PCDH11X: variants seen among roughly 807,000 people sequenced by gnomAD.
PCDH11X encodes protocadherin 11 X-linked.
In PCDH11X, 18 loss-of-function variants were observed where a neutral mutation model predicts 53.3. The observed-to-expected ratio is 0.34, with a 90% CI of 0.23 to 0.50. The LOEUF (loss-of-function observed/expected upper bound fraction) is 0.50. Among genes scored for constraint, PCDH11X ranks in the 20% least tolerant of loss-of-function variants. PCDH11X has a pLI of 0.98. For synonymous variants in PCDH11X, 279 were observed against 393.3 expected (o/e 0.71, Z 3.44); for missense variants, 570 against 1,032.4 (o/e 0.55, Z 6.14).
At chrX:92,294,808 G>T (rs2068574345) in intron 8 of PCDH11X, among the ~76,000 whole-genome samples, 1 of 104,109 alleles carries the variant, frequency 9.6e-6, no homozygotes, top group African/African-American at 3.5e-5. Flanking sequence ...AAAATAAATA[G>T]TAATTATTGG....
intron 9 of PCDH11X, among the ~76,000 whole-genome samples, chrX:92,452,857 T>G (rs1252848752): frequency 1.2e-5 from 1 of 83,265 alleles, no homozygotes; most frequent in Admixed American, 1.2e-4. Flanking sequence ...ATTTGGGTCT[T>G]TCTTCTTTTA....
intron 6 of PCDH11X, among the ~76,000 whole-genome samples, chrX:91,889,701 T>C (rs1940387773): frequency 9.0e-6 from 1 of 110,555 alleles, no homozygotes; most frequent in African/African-American, 3.3e-5. Flanking sequence ...GTTTACATGA[T>C]ACCAAAACAT....
chrX:91,930,518 TATATATACACATACATATAC>T (rs1267005411), intron 6 of PCDH11X, among the ~76,000 whole-genome samples: 2 of 105,296 alleles, frequency 1.9e-5, no homozygotes, highest in African/African-American at 3.4e-5. Context: ...TATACACGTA[TATATATACACATACATATAC>T]ATATATACAC....
At chrX:92,482,643 C>T (rs1489673762) in intron 10 of PCDH11X, among the ~76,000 whole-genome samples, 1 of 111,016 alleles carries the variant, frequency 9.0e-6, no homozygotes, top group African/African-American at 3.3e-5. Context: ...AGATGATAAG[C>T]CAGGTACCAA....
intron 6 of PCDH11X, among the ~76,000 whole-genome samples, chrX:92,085,150 C>A (rs2759939): frequency 9.0e-6 from 1 of 110,796 alleles, no homozygotes; most frequent in African/African-American, 3.3e-5. Flanking sequence ...GAGCTAGATG[C>A]CTGCCTCATT....
At chrX:92,187,558 C>T (rs1249532851) in intron 6 of PCDH11X, among the ~76,000 whole-genome samples, 1 of 111,409 alleles carries the variant, frequency 9.0e-6, no homozygotes, top group Non-Finnish European at 1.9e-5. Flanking sequence ...GGAGAGGAAT[C>T]TGTGTCAAAA....
chrX:92,116,259 T>C (rs2064636231), intron 6 of PCDH11X, among the ~76,000 whole-genome samples: 1 of 112,337 alleles, frequency 8.9e-6, no homozygotes, highest in Non-Finnish European at 1.9e-5. Flanking sequence ...CTTGAAGGTA[T>C]GTTTTATTAA....
chrX:92,117,266 G>T (rs747440363), intron 6 of PCDH11X, among the ~76,000 whole-genome samples: 8 of 109,203 alleles, frequency 7.3e-5, no homozygotes, highest in African/African-American at 2.3e-4. Context: ...GCAAAACCCC[G>T]TCTCTACCAA....
rs567432643 is a variant in PCDH11X at position 92,311,756 on chromosome X, A to G, written c.3144+48613A>G. 2.2e-4 allele frequency among the ~76,000 whole-genome samples: 24 copies of G among 111,251 alleles called. No homozygotes were observed. The East Asian group carries it at 6.8e-3, about 31-fold the overall frequency. ...TAAGCAATTACAGTGTGTGTGCTAC[A>G]AATTTGTCCGTGATATTCAGTTTTA... On this transcript the variant is annotated intron_variant, in intron 8 of 10. Transcript: ENST00000682573.
At chrX:91,950,367 C>T (rs1602548463) in intron 6 of PCDH11X, among the ~76,000 whole-genome samples, 1 of 108,238 alleles carries the variant, frequency 9.2e-6, no homozygotes, top group Admixed American at 1.0e-4. Context: ...TTTTGCATAT[C>T]CATAGCTTAG....
chrX:92,532,028 T>A (rs2074566140), intron 10 of PCDH11X, among the ~76,000 whole-genome samples: 1 of 110,509 alleles, frequency 9.0e-6, no homozygotes, highest in South Asian at 3.8e-4. Context: ...GAAAGAAAGA[T>A]ATACCAATAG....
intron 10 of PCDH11X, among the ~76,000 whole-genome samples, chrX:92,559,171 A>G (rs2075093491): frequency 9.0e-6 from 1 of 110,705 alleles, no homozygotes; most frequent in African/African-American, 3.3e-5. Flanking sequence ...GATGTCAAAA[A>G]AATCTGAAAA....
At chrX:92,596,722 CA>C (rs1213551044) in intron 10 of PCDH11X, among the ~76,000 whole-genome samples, 1 of 109,084 alleles carries the variant, frequency 9.2e-6, no homozygotes, top group Non-Finnish European at 1.9e-5. Context: ...CTAATATTAG[CA>C]TGATAACAAA....
intron 9 of PCDH11X, among the ~76,000 whole-genome samples, chrX:92,453,887 T>G (rs1460279309): frequency 9.1e-6 from 1 of 110,112 alleles, no homozygotes; most frequent in Non-Finnish European, 1.9e-5. Flanking sequence ...TGTGTGCGTA[T>G]AAATTGAATA....
chrX:92,321,626 G>C (rs1391298503), intron 8 of PCDH11X, among the ~76,000 whole-genome samples: 5 of 111,851 alleles, frequency 4.5e-5, no homozygotes, highest in Non-Finnish European at 9.4e-5. Context: ...ACCCTTGCCT[G>C]CTAAGGCCTT....
At chrX:92,185,071 TTTAACATA>T (rs1405304011) in intron 6 of PCDH11X, among the ~76,000 whole-genome samples, 2 of 110,397 alleles carry the variant, frequency 1.8e-5, no homozygotes, top group Non-Finnish European at 3.8e-5. Context: ...TGCTATGTAA[TTTAACATA>T]TTAACAATAT....
chrX:91,817,703 T>C (rs1335855703), intron 4 of PCDH11X, among the ~76,000 whole-genome samples: 1 of 111,143 alleles, frequency 9.0e-6, no homozygotes, highest in East Asian at 2.8e-4. Context: ...CAGCAAGAGG[T>C]ACTATATTGG....
At chrX:92,102,169 G>C (rs1480583827) in intron 6 of PCDH11X, among the ~76,000 whole-genome samples, 3 of 111,592 alleles carry the variant, frequency 2.7e-5, no homozygotes, top group Non-Finnish European at 3.8e-5. Context: ...TGGGACTTAA[G>C]AAAGAGTGAG....
chrX:92,280,607 T>C (rs934262600), intron 8 of PCDH11X, among the ~76,000 whole-genome samples: 1 of 110,610 alleles, frequency 9.0e-6, no homozygotes, highest in Non-Finnish European at 1.9e-5. Context: ...GTATACTTTA[T>C]TGTTCAGTTC....
Sources: gnomAD v4.1 joint callset for allele counts (sites outside exome capture counted in the v4.1 genomes callset) on GRCh38, gnomAD v4.1.1 for gene constraint, MANE v1.5 for transcripts, NCBI Gene and HGNC (gene_info 2026-07-23, HGNC 2026-07-21) for gene names.